The following SNX32 variants were observed in gnomAD, a reference collection of about 807,000 sequenced individuals.
SNX32 encodes the protein sorting nexin 32.
Under a neutral mutation model 57.0 loss-of-function variants are expected in SNX32, and 58 were observed. That is an observed-to-expected ratio of 1.02 (90% confidence interval 0.82 to 1.27). The LOEUF (loss-of-function observed/expected upper bound fraction) is 1.27, where lower values mean the gene tolerates loss of function less well. SNX32 is among the 50% of genes most tolerant of loss of function. The probability of loss-of-function intolerance (pLI) is 0.00; values close to 1 mark genes in which losing one functional copy is unlikely to be tolerated. For synonymous variants in SNX32, 262 were observed against 220.4 expected (o/e 1.19, Z -1.67); for missense variants, 589 against 541.2 (o/e 1.09, Z -0.88).
rs1308958320 is a variant in SNX32 at position 65,848,323 on chromosome 11, G to A, written c.37-1155G>A. 2.6e-5 allele frequency among the ~76,000 whole-genome samples: 4 copies of A among 152,044 alleles called. No individual in the cohort carries two copies. The South Asian group carries it at 6.2e-4, about 24-fold the overall frequency. On this transcript the variant is annotated intron_variant, in intron 1 of 12. Coordinates refer to ENST00000308342, the MANE Select transcript of SNX32 (RefSeq NM_152760.3). ...TATTCAATAAATGCATGTTGCTTCC[G>A]GCCCTTTGGGAGGCTGAGGTGGGAG...
chr11:65,851,679 G>A lies in SNX32; in HGVS notation c.825G>A (p.Arg275=), dbSNP rs1859202738. ...LKLAELFERL[R]KLEGRVASDE... Reference sequence around the variant, plus strand: ...TGGCAGAGCTCTTTGAACGGCTGAGGGTGAGTACTGCCTTCTGTGCTCAAA... The same window carrying A: ...TGGCAGAGCTCTTTGAACGGCTGAGAGTGAGTACTGCCTTCTGTGCTCAAA... Residue 275 remains arginine, a splice_region_variant and synonymous_variant, in exon 9 of 13, where the codon AGG becomes AGA. Transcript: ENST00000308342. 2 of 1,614,024 alleles carry A rather than the reference G, an allele frequency of 1.2e-6. No individual in the cohort carries two copies. Among genetic ancestry groups the A allele is most frequent in the East Asian group, 2.2e-5 (1 of 44,884 alleles).
chr11:65,848,603 G>C (rs1859066720), intron 1 of SNX32, among the ~76,000 whole-genome samples: 1 of 152,174 alleles, frequency 6.6e-6, no homozygotes, highest in Non-Finnish European at 1.5e-5. Flanking sequence ...ATAGCTCAAT[G>C]CAAGAATGAG....
intron 1 of SNX32, among the ~76,000 whole-genome samples, chr11:65,847,859 G>A (rs1229329742): frequency 2.6e-5 from 4 of 151,606 alleles, no homozygotes; most frequent in Admixed American, 2.0e-4. Context: ...GCAGTTAGCC[G>A]AGATCACTTC....
At chr11:65,839,896 C>T (rs1411220934) in intron 1 of SNX32, among the ~76,000 whole-genome samples, 2 of 152,078 alleles carry the variant, frequency 1.3e-5, no homozygotes, top group Admixed American at 6.6e-5. Flanking sequence ...CGGTGGCTCA[C>T]GCCTGTAATC....
At position 65,853,568 on chromosome 11, in the gene SNX32, C is replaced by G; in HGVS notation, c.*233C>G. On this transcript the variant is annotated 3_prime_UTR_variant, in exon 13 of 13. Coordinates refer to ENST00000308342, the MANE Select transcript of SNX32 (RefSeq NM_152760.3). ...CATAACTGGCCACAGTCAGCAGAGC[C>G]CCAGGGACCCTGACACCTCTCCCCA... is the stretch of plus-strand genomic sequence containing the variant. 1 of 587,284 alleles carries G rather than the reference C, an allele frequency of 1.7e-6. No individual in the cohort carries two copies. The highest frequency in any genetic ancestry group is 3.0e-6 in the Non-Finnish European group (1 of 329,040). 36.4% of individuals were successfully genotyped at this position (587,284 alleles called of 1,614,324 possible).
At chr11:65,847,499 T>C (rs1184884374) in intron 1 of SNX32, among the ~76,000 whole-genome samples, 1 of 151,774 alleles carries the variant, frequency 6.6e-6, no homozygotes, top group Non-Finnish European at 1.5e-5. Flanking sequence ...AAAATATATA[T>C]CTATCATGAT....
chr11:65,850,109 G>A (rs767701121), intron 3 of SNX32, 41 bp from the exon 4 acceptor site: 18 of 1,614,086 alleles, frequency 1.1e-5, no homozygotes, highest in Middle Eastern at 1.6e-4. Flanking sequence ...TGGCCGTCTC[G>A]GCAGTGAGAG....
chr11:65,834,333 TTG>T (rs1409950177), intron 1 of SNX32, among the ~76,000 whole-genome samples: 9 of 150,740 alleles, frequency 6.0e-5, no homozygotes, highest in South Asian at 2.1e-4. Flanking sequence ...ATGTCTGTAT[TTG>T]TGTCTCTGTG....
rs949894885 is a variant in SNX32, at chr11:65,847,368, A to C, written c.37-2110A>C. On this transcript the variant is annotated intron_variant, in intron 1 of 12. Transcript: ENST00000308342. ...CATGCCCGTGGTCCTTGCTACTTGG[A>C]AGGCTGAGTCAGGAGGATTGTCTGA... 7.2e-5 allele frequency among the ~76,000 whole-genome samples: 11 copies of C among 152,178 alleles called. No homozygotes were observed. The East Asian group carries it at 2.1e-3, about 29-fold the overall frequency.
rs1859294860 is a variant in SNX32, at chr11:65,853,464, CCT to C, written c.*133_*134del. ...GCCACACCCTCACTCTGCCCCACAT[CCT>C]CTCAGGGAAAGCCCAAACCCCCTAT... On this transcript the variant is annotated 3_prime_UTR_variant, in exon 13 of 13. Coordinates refer to ENST00000308342, the MANE Select transcript of SNX32 (RefSeq NM_152760.3). 6.3e-6 allele frequency: 6 copies of C among 949,016 alleles called. No individual in the cohort carries two copies. Among genetic ancestry groups the C allele is most frequent in the Non-Finnish European group, 9.9e-6 (6 of 606,480 alleles). The allele number at this position is 949,016 out of a possible 1,614,324, so 58.8% of individuals were successfully genotyped here.
At chr11:65,849,400 T>G in intron 1 of SNX32, 78 bp from the exon 2 acceptor site, 1 of 1,079,504 alleles carries the variant, frequency 9.3e-7, no homozygotes. Context: ...GTTCTGCAGG[T>G]GGATCAGAAA....
chr11:65,845,082 G>T (rs1446002121), intron 1 of SNX32, among the ~76,000 whole-genome samples: 1 of 18,848 alleles, frequency 5.3e-5, no homozygotes, highest in Non-Finnish European at 1.3e-4. Context: ...AGGATGGCTT[G>T]AGGCCAGGAG....
chr11:65,843,048 C>T (rs1858890709), intron 1 of SNX32, among the ~76,000 whole-genome samples: 1 of 145,030 alleles, frequency 6.9e-6, no homozygotes, highest in African/African-American at 2.6e-5. Context: ...CATGGTGAAA[C>T]CCCGTCTCTA....
At chr11:65,842,861 A>G (rs983333708) in intron 1 of SNX32, among the ~76,000 whole-genome samples, 4 of 149,486 alleles carry the variant, frequency 2.7e-5, no homozygotes, top group African/African-American at 9.9e-5. Flanking sequence ...GAGGCAGGAG[A>G]ATCGCTTGAA....
intron 1 of SNX32, among the ~76,000 whole-genome samples, chr11:65,839,225 AT>A (rs1168882508): frequency 4.3e-4 from 12 of 27,638 alleles, no homozygotes; most frequent in Admixed American, 1.5e-3. Flanking sequence ...ATTTTTTTGT[AT>A]TTTTTTTTTT....
intron 1 of SNX32, among the ~76,000 whole-genome samples, chr11:65,847,069 G>A (rs1376673705): frequency 1.3e-5 from 2 of 150,128 alleles, no homozygotes; most frequent in African/African-American, 4.9e-5. Context: ...GTGCAGCGGC[G>A]AGATCCTGGC....
rs769071992 is a variant in SNX32, at chr11:65,852,521, G to A, written c.882G>A (p.Arg294=). 13 of 1,614,100 alleles carry A rather than the reference G, an allele frequency of 8.1e-6. No homozygotes were observed. The highest frequency in any genetic ancestry group is 1.1e-5 in the South Asian group (1 of 91,092). The change falls in exon 10 of 13, where the codon AGG becomes AGA. Residue 294 remains arginine (R), a synonymous_variant. Coordinates refer to ENST00000308342, the MANE Select transcript of SNX32 (RefSeq NM_152760.3). ...DEDLKLSDML[R]YYMRDSQAAK... ...ACCTGAAGCTGTCAGACATGCTGAG[G>A]TACTACATGCGTGACTCACAGGCAG...
chr11:65,834,111 G>A lies in SNX32; in HGVS notation c.36+10G>A, dbSNP rs1290214160. On this transcript the variant is annotated intron_variant, in intron 1 of 12. Transcript: ENST00000308342. ...TGGGAAGGAGGGCAAGGTAGAGAAA[G>A]GATGAAGACCCCCACCCCAGCCTCC... 1.6e-5 allele frequency: 25 copies of A among 1,550,986 alleles called. No individual in the cohort carries two copies. The highest frequency in any genetic ancestry group is 1.7e-4 in the Middle Eastern group (1 of 6,012).
At chr11:65,835,148 G>A (rs1313068169) in intron 1 of SNX32, among the ~76,000 whole-genome samples, 4 of 152,054 alleles carry the variant, frequency 2.6e-5, no homozygotes, top group Non-Finnish European at 5.9e-5. Flanking sequence ...GTGTGTCTGC[G>A]CAAGTGAGAG....
Sources: gnomAD v4.1 joint callset for allele counts (sites outside exome capture counted in the v4.1 genomes callset) on GRCh38, gnomAD v4.1.1 for gene constraint, MANE v1.5 for transcripts, NCBI Gene and HGNC (gene_info 2026-07-23, HGNC 2026-07-21) for gene names.